Variants in RARB observed in about 807,000 individuals in gnomAD.
RARB encodes retinoic acid receptor beta.
RARB carries 17 observed loss-of-function variants against 51.9 expected under a neutral mutation model. The observed-to-expected ratio is 0.33, with a 90% CI of 0.22 to 0.49. The LOEUF (loss-of-function observed/expected upper bound fraction) is 0.49, where lower values mean the gene tolerates loss of function less well. RARB is among the 20% of genes least tolerant of loss of function. The pLI, the probability that RARB is intolerant of heterozygous loss-of-function variation, is 0.99. For missense variants in RARB, 369 were observed against 550.8 expected, an observed-to-expected ratio of 0.67 and a Z score of 3.30; for synonymous variants, 215 against 195.4, an observed-to-expected ratio of 1.10 and a Z score of -0.84.
chr3:25,343,590 A>G (rs993219703), intron 5 of RARB, among the ~76,000 whole-genome samples: 6 of 152,216 alleles, frequency 3.9e-5, no homozygotes, highest in African/African-American at 7.2e-5. Flanking sequence ...TATGTTCCAC[A>G]GAACCCAGTT....
chr3:25,364,989 C>A (rs1706067524), intron 5 of RARB, among the ~76,000 whole-genome samples: 1 of 152,038 alleles, frequency 6.6e-6, no homozygotes, highest in African/African-American at 2.4e-5. Flanking sequence ...CTATTAGTAT[C>A]ATTTGATTCA....
rs527297958 is a variant in RARB at position 24,975,345 on chromosome 3, C to G, written c.-379-84780C>G. Among the ~76,000 whole-genome samples the G allele has an allele frequency of 2.2e-3, 331 of 152,110 alleles. 2 individuals are homozygous for G. In the Middle Eastern group the frequency reaches 0.027, roughly 13 times the overall value. On this transcript the variant is annotated intron_variant, in intron 2 of 11. Transcript: ENST00000383772. ...TTTTTGTTTACTCAGGAAAAAATTC[C>G]TGAGCACCTACTTACTACACTCCAG...
chr3:24,963,659 C>T (rs942489667), intron 2 of RARB, among the ~76,000 whole-genome samples: 16 of 151,978 alleles, frequency 1.1e-4, no homozygotes, highest in African/African-American at 2.9e-4. Flanking sequence ...AGACAAGGAA[C>T]ATTTCCTAAG....
intron 5 of RARB, among the ~76,000 whole-genome samples, chr3:25,325,381 T>C (rs1489529818): frequency 6.6e-6 from 1 of 152,144 alleles, no homozygotes; most frequent in East Asian, 1.9e-4. Context: ...GCAAGGTCTT[T>C]GTGTCCTGTA....
At chr3:25,363,999 AG>A (rs755772131) in intron 5 of RARB, among the ~76,000 whole-genome samples, 3 of 152,194 alleles carry the variant, frequency 2.0e-5, no homozygotes, top group Non-Finnish European at 2.9e-5. Flanking sequence ...TCTTCTTAGT[AG>A]GTTCTATCCT....
chr3:25,016,140 C>T (rs973953604), intron 2 of RARB, among the ~76,000 whole-genome samples: 2 of 152,196 alleles, frequency 1.3e-5, no homozygotes, highest in South Asian at 2.1e-4. Context: ...ACCTGCCTGT[C>T]GCTTGTAACA....
At chr3:25,561,121 T>A (rs1048185301) in intron 3 of RARB, among the ~76,000 whole-genome samples, 1 of 152,216 alleles carries the variant, frequency 6.6e-6, no homozygotes, top group African/African-American at 2.4e-5. Flanking sequence ...AATGCAGGCC[T>A]TTGAAATTTT....
At chr3:25,106,450 T>TTATTG (rs1491231864) in intron 3 of RARB, among the ~76,000 whole-genome samples, 1 of 87,824 alleles carries the variant, frequency 1.1e-5, no homozygotes, top group African/African-American at 4.8e-5. Flanking sequence ...TACTGTTTTT[T>TTATTG]GTTTTTTGTT....
chr3:25,037,023 T>TG (rs1187895571), intron 2 of RARB, among the ~76,000 whole-genome samples: 2 of 152,226 alleles, frequency 1.3e-5, no homozygotes, highest in African/African-American at 2.4e-5. Flanking sequence ...AAATTACTGC[T>TG]GGTTCCAAAA....
chr3:25,195,000 G>A (rs1701196845), intron 5 of RARB, among the ~76,000 whole-genome samples: 1 of 151,858 alleles, frequency 6.6e-6, no homozygotes, highest in South Asian at 2.1e-4. Context: ...TACCTCCAAT[G>A]GATATTTTCT....
chr3:25,122,370 T>A (rs1371585142), intron 3 of RARB, among the ~76,000 whole-genome samples: 3 of 151,908 alleles, frequency 2.0e-5, no homozygotes, highest in Admixed American at 1.3e-4. Flanking sequence ...ACATACTAAG[T>A]TTTTTTGAAA....
At chr3:24,995,930 G>T (rs1575110833) in intron 2 of RARB, among the ~76,000 whole-genome samples, 1 of 152,014 alleles carries the variant, frequency 6.6e-6, no homozygotes, top group South Asian at 2.1e-4. Context: ...CTTTATTGTT[G>T]TGCCTTCTTC....
intron 5 of RARB, among the ~76,000 whole-genome samples, chr3:25,233,737 G>T (rs116301680): frequency 6.7e-6 from 1 of 149,218 alleles, no homozygotes; most frequent in African/African-American, 2.5e-5. Context: ...TATTATTACT[G>T]GTTTGCCAGG....
At chr3:25,189,199 T>A (rs1701042666) in intron 5 of RARB, among the ~76,000 whole-genome samples, 1 of 152,130 alleles carries the variant, frequency 6.6e-6, no homozygotes, top group Admixed American at 6.6e-5. Flanking sequence ...ATTCCAAAGG[T>A]CAGTCAGCAA....
chr3:25,297,794 A>G (rs1300756980), intron 5 of RARB, among the ~76,000 whole-genome samples: 3 of 152,126 alleles, frequency 2.0e-5, no homozygotes, highest in Non-Finnish European at 4.4e-5. Context: ...ATTTATCTTT[A>G]TCCAGGAGGT....
intron 5 of RARB, among the ~76,000 whole-genome samples, chr3:25,311,844 A>G (rs1439204283): frequency 6.6e-6 from 1 of 152,204 alleles, no homozygotes; most frequent in East Asian, 1.9e-4. Flanking sequence ...AAGGAATGAC[A>G]GTGGGGGATG....
intron 4 of RARB, 63 bp downstream of exon 4, chr3:25,569,981 G>GAC (rs56255512): frequency 0.038 from 40,137 of 1,065,004 alleles, 170 homozygotes; most frequent in Non-Finnish European, 0.043. Context: ...CATGTGTGCA[G>GAC]ACACACACAC....
chr3:25,037,595 C>A (rs1036880692), intron 2 of RARB, among the ~76,000 whole-genome samples: 1 of 152,100 alleles, frequency 6.6e-6, no homozygotes, highest in East Asian at 1.9e-4. Context: ...CTGGGACTTT[C>A]ATCTATTGAA....
intron 2 of RARB, among the ~76,000 whole-genome samples, chr3:24,917,453 G>A (rs1575070720): frequency 2.0e-5 from 3 of 152,274 alleles, no homozygotes; most frequent in Admixed American, 2.0e-4. Flanking sequence ...ACTCAGTGAT[G>A]GACAACTTAA....
Sources: gnomAD v4.1 joint callset for allele counts (sites outside exome capture counted in the v4.1 genomes callset) on GRCh38, gnomAD v4.1.1 for gene constraint, MANE v1.5 for transcripts, NCBI Gene and HGNC (gene_info 2026-07-23, HGNC 2026-07-21) for gene names.